Variants in STXBP3 observed in about 807,000 individuals in gnomAD.
The protein encoded by STXBP3 is syntaxin-binding protein 3.
Under a neutral mutation model 85.7 loss-of-function variants are expected in STXBP3, and 41 were observed. The ratio of observed to expected loss-of-function variants is 0.48; its 90% CI spans 0.37 to 0.62. The LOEUF (loss-of-function observed/expected upper bound fraction) is 0.62, where lower values mean the gene tolerates loss of function less well. Among genes scored for constraint, STXBP3 ranks in the 20% least tolerant of loss-of-function variants. The pLI, the probability that STXBP3 is intolerant of heterozygous loss-of-function variation, is 0.00. For missense variants in STXBP3, 563 were observed against 703.1 expected (o/e 0.80, Z 2.25); for synonymous variants, 229 against 231.7 (o/e 0.99, Z 0.10).
At chr1:108,765,312 G>A (rs1382538176) in intron 6 of STXBP3, among the ~76,000 whole-genome samples, 4 of 152,224 alleles carry the variant, frequency 2.6e-5, no homozygotes, top group East Asian at 3.8e-4. Context: ...ACCATTGTCA[G>A]TAGAAAACAA....
At chr1:108,789,499 G>A (rs1394620977) in intron 11 of STXBP3, among the ~76,000 whole-genome samples, 1 of 149,428 alleles carries the variant, frequency 6.7e-6, no homozygotes, top group African/African-American at 2.5e-5. Context: ...CCTTTCTTCT[G>A]TTCTATTGTA....
chr1:108,777,999 C>G (rs1662624324), intron 8 of STXBP3, among the ~76,000 whole-genome samples: 1 of 152,060 alleles, frequency 6.6e-6, no homozygotes, highest in Non-Finnish European at 1.5e-5. Flanking sequence ...GTTCATTTTA[C>G]AAAGAGAATA....
At chr1:108,749,990 G>A (rs1356953893) in intron 1 of STXBP3, among the ~76,000 whole-genome samples, 1 of 152,026 alleles carries the variant, frequency 6.6e-6, no homozygotes, top group Non-Finnish European at 1.5e-5. Context: ...TGTACTTACA[G>A]GATATCTCAG....
At chr1:108,750,151 A>T (rs1422104812) in intron 1 of STXBP3, among the ~76,000 whole-genome samples, 4 of 152,044 alleles carry the variant, frequency 2.6e-5, no homozygotes, top group Admixed American at 2.6e-4. Context: ...AAATTCCATG[A>T]GCATTCATTT....
chr1:108,798,307 T>C (rs1223799060), intron 16 of STXBP3, 70 bp downstream of exon 16: 4 of 1,298,224 alleles, frequency 3.1e-6, no homozygotes, highest in African/African-American at 3.0e-5. Context: ...TTTTGTAGTT[T>C]ATGTCAGTCT....
chr1:108,758,757 A>G (rs1662070720), intron 5 of STXBP3, among the ~76,000 whole-genome samples, 169 bp downstream of exon 5: 1 of 152,216 alleles, frequency 6.6e-6, no homozygotes, highest in South Asian at 2.1e-4. Flanking sequence ...GCTAGAAAGA[A>G]TCTAAAAATG....
intron 17 of STXBP3, among the ~76,000 whole-genome samples, chr1:108,802,940 G>A (rs1663262122): frequency 6.6e-6 from 1 of 152,114 alleles, no homozygotes; most frequent in Non-Finnish European, 1.5e-5. Context: ...CTGCTAGTTG[G>A]TATATAGTTA....
At chr1:108,765,392 T>C (rs560444840) in intron 6 of STXBP3, among the ~76,000 whole-genome samples, 1 of 152,258 alleles carries the variant, frequency 6.6e-6, no homozygotes, top group South Asian at 2.1e-4. Context: ...AGAAAAATAA[T>C]TTTTGGTGCC....
chr1:108,762,734 C>T (rs1662166396), intron 6 of STXBP3, among the ~76,000 whole-genome samples: 1 of 151,906 alleles, frequency 6.6e-6, no homozygotes, highest in Admixed American at 6.6e-5. Flanking sequence ...TGAAATTTGC[C>T]ACCATCATGT....
intron 1 of STXBP3, among the ~76,000 whole-genome samples, chr1:108,747,030 C>A (rs550605985): frequency 6.0e-4 from 88 of 145,874 alleles, no homozygotes; most frequent in African/African-American, 2.2e-3. Flanking sequence ...TCGCCTCGGC[C>A]GCGCTCTGGC....
chr1:108,796,933 G>A (rs1358808845), intron 15 of STXBP3, among the ~76,000 whole-genome samples: 1 of 151,972 alleles, frequency 6.6e-6, no homozygotes, highest in Non-Finnish European at 1.5e-5. Context: ...TATGGCTTCT[G>A]TCATAATTCA....
At chr1:108,775,035 T>A (rs1662556773) in intron 7 of STXBP3, among the ~76,000 whole-genome samples, 1 of 152,106 alleles carries the variant, frequency 6.6e-6, no homozygotes, top group South Asian at 2.1e-4. Flanking sequence ...AAATGAAGTT[T>A]CTTTCTTTTG....
intron 14 of STXBP3, 74 bp from the exon 15 acceptor site, chr1:108,796,546 G>A (rs1349585489): frequency 2.3e-6 from 3 of 1,328,820 alleles, no homozygotes; most frequent in Non-Finnish European, 3.1e-6. Context: ...TTCATTCATG[G>A]GTACTACCTA....
intron 9 of STXBP3, chr1:108,781,288 A>G (rs1028174958): frequency 1.3e-5 from 2 of 152,244 alleles, no homozygotes; most frequent in Admixed American, 6.5e-5. Flanking sequence ...AGAAACGATT[A>G]TATTCATATA....
intron 4 of STXBP3, among the ~76,000 whole-genome samples, chr1:108,757,848 C>T (rs1445626975): frequency 6.6e-6 from 1 of 151,596 alleles, no homozygotes; most frequent in African/African-American, 2.4e-5. Context: ...AATAATAGAC[C>T]ATATGATGAT....
intron 11 of STXBP3, among the ~76,000 whole-genome samples, chr1:108,786,813 C>T (rs1343828416): frequency 1.3e-5 from 2 of 152,158 alleles, no homozygotes; most frequent in African/African-American, 4.8e-5. Flanking sequence ...TCAACAGAAA[C>T]ATTTAACTGA....
intron 1 of STXBP3, among the ~76,000 whole-genome samples, chr1:108,750,598 G>A (rs933156068): frequency 2.6e-5 from 4 of 152,048 alleles, no homozygotes; most frequent in African/African-American, 9.7e-5. Flanking sequence ...TCCAACTCTG[G>A]ACACCAGCTG....
chr1:108,780,074 CTG>C (rs1662684059), intron 9 of STXBP3: 1 of 152,068 alleles, frequency 6.6e-6, no homozygotes, highest in Non-Finnish European at 1.5e-5. Context: ...TGAATCCAAA[CTG>C]GTATTTGTCA....
chr1:108,773,099 G>A (rs924713842), intron 7 of STXBP3, among the ~76,000 whole-genome samples: 3 of 152,226 alleles, frequency 2.0e-5, no homozygotes, highest in Non-Finnish European at 4.4e-5. Context: ...GTCACATAGG[G>A]AATACAGTGT....
Sources: gnomAD v4.1 joint callset for allele counts (sites outside exome capture counted in the v4.1 genomes callset) on GRCh38, gnomAD v4.1.1 for gene constraint, MANE v1.5 for transcripts, NCBI Gene and HGNC (gene_info 2026-07-23, HGNC 2026-07-21) for gene names.